The following SLC24A2 variants were observed in gnomAD, a reference collection of about 807,000 sequenced individuals.
The protein encoded by SLC24A2 is sodium/potassium/calcium exchanger 2.
Under a neutral mutation model 62.0 loss-of-function variants are expected in SLC24A2, and 36 were observed. The observed-to-expected ratio is 0.58, with a 90% CI of 0.44 to 0.77. The LOEUF (loss-of-function observed/expected upper bound fraction) is 0.77. Among genes scored for constraint, SLC24A2 ranks in the 30% least tolerant of loss-of-function variants. SLC24A2 has a pLI of 0.00. For synonymous variants in SLC24A2, 358 were observed against 294.0 expected (o/e 1.22, Z -2.23); for missense variants, 846 against 817.9 (o/e 1.03, Z -0.42).
At chr9:20,122,051 C>A in the SLC24A2 span, among the ~76,000 whole-genome samples, 1 of 152,186 alleles carries the variant, frequency 6.6e-6, no homozygotes, top group African/African-American at 2.4e-5. Flanking sequence ...GGGCATTTCA[C>A]TGAGATGAGC....
chr9:19,607,769 C>T (rs1011697411), intron 4 of SLC24A2, among the ~76,000 whole-genome samples: 1 of 151,140 alleles, frequency 6.6e-6, no homozygotes, highest in Admixed American at 6.6e-5. Flanking sequence ...TACCTTGTGG[C>T]CTTTGCTTCA....
At chr9:20,095,155 G>T in the SLC24A2 span, among the ~76,000 whole-genome samples, 2 of 152,196 alleles carry the variant, frequency 1.3e-5, no homozygotes, top group Middle Eastern at 3.4e-3. Flanking sequence ...TTTTGTTTTG[G>T]AATAGTTTTT....
At chr9:19,871,730 A>G in the SLC24A2 span, among the ~76,000 whole-genome samples, 3 of 152,160 alleles carry the variant, frequency 2.0e-5, no homozygotes, top group Non-Finnish European at 4.4e-5. Context: ...ATTATTATTT[A>G]TCTATACTTG....
At chr9:19,708,837 T>C (rs1339319712) in intron 2 of SLC24A2, among the ~76,000 whole-genome samples, 2 of 152,126 alleles carry the variant, frequency 1.3e-5, no homozygotes, top group African/African-American at 2.4e-5. Flanking sequence ...ATTCAGGACA[T>C]AGGCATGGGC....
At chr9:19,954,327 C>T in the SLC24A2 span, among the ~76,000 whole-genome samples, 27 of 152,066 alleles carry the variant, frequency 1.8e-4, no homozygotes, top group Non-Finnish European at 1.2e-4. Context: ...GAGAGGTTAG[C>T]CAAAAACCCA....
chr9:20,049,775 C>G, the SLC24A2 span, among the ~76,000 whole-genome samples: 1 of 150,998 alleles, frequency 6.6e-6, no homozygotes, highest in East Asian at 1.9e-4. Context: ...CACCCATAAA[C>G]TACAGGGATT....
rs1378558224 is a variant in SLC24A2 at position 19,566,042 on chromosome 9, G to T, written c.1347+7309C>A. The stretch of plus-strand genomic sequence containing the variant: ...AGAAAACCTAGGCAATACCATTCAG[G>T]ACATAGGCATGGGCAAGGACTTCAT... On this transcript the variant is annotated intron_variant, in intron 7 of 10. Transcript: ENST00000341998. Among the ~76,000 whole-genome samples, 2 of 152,130 alleles carry T rather than the reference G, an allele frequency of 1.3e-5. 1 individual carries two copies. Among genetic ancestry groups the T allele is most frequent in the East Asian group, 3.8e-4 (2 of 5,204 alleles).
At chr9:20,096,402 C>A in the SLC24A2 span, among the ~76,000 whole-genome samples, 1 of 152,182 alleles carries the variant, frequency 6.6e-6, no homozygotes, top group Admixed American at 6.5e-5. Flanking sequence ...TAATTATCCA[C>A]ATGTTATTGA....
At chr9:20,103,456 G>C in the SLC24A2 span, among the ~76,000 whole-genome samples, 3 of 152,282 alleles carry the variant, frequency 2.0e-5, no homozygotes, top group Non-Finnish European at 2.9e-5. Flanking sequence ...CCCCAGCAGG[G>C]GCAGACTGAC....
chr9:20,140,576 G>T, the SLC24A2 span, among the ~76,000 whole-genome samples: 1 of 152,102 alleles, frequency 6.6e-6, no homozygotes, highest in Non-Finnish European at 1.5e-5. Context: ...CTTATTTCTG[G>T]CTCTCAGTTC....
At chr9:19,897,436 A>G in the SLC24A2 span, among the ~76,000 whole-genome samples, 1 of 152,178 alleles carries the variant, frequency 6.6e-6, no homozygotes, top group African/African-American at 2.4e-5. Context: ...ATCCTTTAAA[A>G]GCCAATTTGA....
At chr9:20,260,849 CTTTTT>C in the SLC24A2 span, among the ~76,000 whole-genome samples, 1 of 90,280 alleles carries the variant, frequency 1.1e-5, no homozygotes, top group East Asian at 4.3e-4. Context: ...ATCATTCTTT[CTTTTT>C]TTTTTTTTTT....
the SLC24A2 span, among the ~76,000 whole-genome samples, chr9:20,162,405 A>G: frequency 6.6e-6 from 1 of 151,932 alleles, no homozygotes; most frequent in African/African-American, 2.4e-5. Context: ...CTTGAAACAC[A>G]TACACCCTCC....
the SLC24A2 span, among the ~76,000 whole-genome samples, chr9:20,176,656 C>T: frequency 6.6e-6 from 1 of 151,934 alleles, no homozygotes; most frequent in Non-Finnish European, 1.5e-5. Context: ...AGGAATTCAG[C>T]CAGGGGTATA....
chr9:19,981,949 C>T, the SLC24A2 span, among the ~76,000 whole-genome samples: 2 of 152,054 alleles, frequency 1.3e-5, no homozygotes, highest in African/African-American at 4.8e-5. Flanking sequence ...ATGGTCAAGC[C>T]CAACATCAGT....
the SLC24A2 span, among the ~76,000 whole-genome samples, chr9:19,865,715 T>G: frequency 3.3e-5 from 5 of 152,140 alleles, no homozygotes; most frequent in Admixed American, 6.6e-5. Context: ...TGGTTTAGAC[T>G]TAAATCTAAG....
chr9:20,203,624 G>T, the SLC24A2 span, among the ~76,000 whole-genome samples: 19 of 151,972 alleles, frequency 1.3e-4, no homozygotes, highest in Non-Finnish European at 5.9e-5. Context: ...CCAAAGGGTC[G>T]CTTGGGGCCA....
chr9:19,778,298 C>T (rs910613300), intron 2 of SLC24A2, among the ~76,000 whole-genome samples: 3 of 152,130 alleles, frequency 2.0e-5, no homozygotes, highest in Admixed American at 6.5e-5. Flanking sequence ...CCAGAAATGT[C>T]TGTATTGCTT....
chr9:19,564,327 A>T (rs1835558832), intron 7 of SLC24A2, among the ~76,000 whole-genome samples: 1 of 152,220 alleles, frequency 6.6e-6, no homozygotes, highest in Non-Finnish European at 1.5e-5. Flanking sequence ...TTTTATCAGC[A>T]CCATGAGGCT....
Sources: gnomAD v4.1 joint callset for allele counts (sites outside exome capture counted in the v4.1 genomes callset) on GRCh38, gnomAD v4.1.1 for gene constraint, MANE v1.5 for transcripts, NCBI Gene and HGNC (gene_info 2026-07-23, HGNC 2026-07-21) for gene names.